The following TMEM132C variants were observed in gnomAD, a reference collection of about 807,000 sequenced individuals.
The protein encoded by TMEM132C is protein phosphatase 1, regulatory subunit 152.
In TMEM132C, 29 loss-of-function variants were observed where a neutral mutation model predicts 61.4. The ratio of observed to expected loss-of-function variants is 0.47; its 90% CI spans 0.35 to 0.64. The LOEUF is 0.64. TMEM132C is among the 30% of genes least tolerant of loss of function. The pLI is 0.00. For synonymous variants in TMEM132C, 656 were observed against 633.1 expected (o/e 1.04, Z -0.54); for missense variants, 1,408 against 1,476.9 (o/e 0.95, Z 0.76).
At chr12:128,268,532 C>T (rs991996247) in intron 1 of TMEM132C, among the ~76,000 whole-genome samples, 2 of 152,042 alleles carry the variant, frequency 1.3e-5, no homozygotes, top group African/African-American at 4.8e-5. Context: ...GCGAAGGTCT[C>T]GGGTTCATTT....
chr12:128,474,821 C>T (rs1380749648), intron 2 of TMEM132C, among the ~76,000 whole-genome samples: 2 of 152,148 alleles, frequency 1.3e-5, no homozygotes, highest in African/African-American at 4.8e-5. Context: ...ATTGGTACCA[C>T]ATAGTATGTC....
At chr12:128,528,137 C>G (rs997213434) in intron 2 of TMEM132C, among the ~76,000 whole-genome samples, 3 of 152,166 alleles carry the variant, frequency 2.0e-5, no homozygotes, top group South Asian at 4.1e-4. Context: ...AGGGCTACAT[C>G]CCCACTTCCA....
At chr12:128,507,398 C>CTTTTTTTTTTTTTT (rs1872404501) in intron 2 of TMEM132C, among the ~76,000 whole-genome samples, 4 of 106,518 alleles carry the variant, frequency 3.8e-5, no homozygotes, top group Non-Finnish European at 7.5e-5. Flanking sequence ...TTTTTTTTTT[C>CTTTTTTTTTTTTTT]TTTCTTTTTT....
intron 8 of TMEM132C, among the ~76,000 whole-genome samples, chr12:128,698,926 G>T (rs1593153152): frequency 6.6e-6 from 1 of 152,314 alleles, no homozygotes; most frequent in South Asian, 2.1e-4. Flanking sequence ...GAACACGATA[G>T]TGCTACAAAG....
intron 2 of TMEM132C, among the ~76,000 whole-genome samples, chr12:128,498,862 GA>G (rs745690111): frequency 2.0e-5 from 3 of 151,948 alleles, no homozygotes; most frequent in East Asian, 3.9e-4. Context: ...ACTGTTGAAA[GA>G]AATAAAAGAA....
At chr12:128,541,933 C>T (rs892220089) in intron 2 of TMEM132C, among the ~76,000 whole-genome samples, 10 of 152,270 alleles carry the variant, frequency 6.6e-5, no homozygotes, top group South Asian at 2.1e-4. Flanking sequence ...CCTCTGTATT[C>T]GGTGTGGCAC....
intron 2 of TMEM132C, among the ~76,000 whole-genome samples, chr12:128,510,479 A>C (rs1872531289): frequency 6.6e-6 from 1 of 152,204 alleles, no homozygotes; most frequent in Non-Finnish European, 1.5e-5. Context: ...TTTCCGGGCT[A>C]AGGCCTCTCA....
chr12:128,400,106 T>C (rs1875099551), intron 1 of TMEM132C: 1 of 152,240 alleles, frequency 6.6e-6, no homozygotes, highest in Non-Finnish European at 1.5e-5. Flanking sequence ...TAGAAGCTTT[T>C]GGCTGATAGT....
intron 3 of TMEM132C, among the ~76,000 whole-genome samples, chr12:128,563,463 G>C (rs1268251840): frequency 6.6e-6 from 1 of 152,196 alleles, no homozygotes; most frequent in Non-Finnish European, 1.5e-5. Flanking sequence ...GGCAGAAAGA[G>C]AGACTTTAAT....
chr12:128,409,677 C>T (rs1041562816), intron 1 of TMEM132C, among the ~76,000 whole-genome samples: 2 of 152,128 alleles, frequency 1.3e-5, no homozygotes, highest in African/African-American at 2.4e-5. Flanking sequence ...TCTGCGATGT[C>T]GGGTCTCAAC....
At chr12:128,571,181 A>G (rs1438833450) in intron 3 of TMEM132C, among the ~76,000 whole-genome samples, 1 of 152,154 alleles carries the variant, frequency 6.6e-6, no homozygotes, top group Non-Finnish European at 1.5e-5. Flanking sequence ...GAAACTTGGA[A>G]ACTCTCTGTG....
chr12:128,313,457 C>T (rs1554079), intron 1 of TMEM132C, among the ~76,000 whole-genome samples: 50,457 of 151,876 alleles, frequency 0.33, 8,699 homozygotes, highest in East Asian at 0.47. Context: ...CCGCAGCACT[C>T]AGAATTCTTT....
At chr12:128,473,007 G>T (rs547053027) in intron 2 of TMEM132C, among the ~76,000 whole-genome samples, 2 of 152,308 alleles carry the variant, frequency 1.3e-5, no homozygotes, top group South Asian at 2.1e-4. Context: ...TACAGGGTTG[G>T]TTCCTTCTGG....
chr12:128,359,170 A>G (rs142887525), intron 1 of TMEM132C, among the ~76,000 whole-genome samples: 118 of 152,332 alleles, frequency 7.7e-4, no homozygotes, highest in African/African-American at 2.6e-3. Flanking sequence ...GCTTTGCTGT[A>G]TGAGTGTGTT....
chr12:128,351,430 G>A (rs532873978), intron 1 of TMEM132C, among the ~76,000 whole-genome samples: 1 of 152,248 alleles, frequency 6.6e-6, no homozygotes, highest in Admixed American at 6.5e-5. Context: ...TGCATATATT[G>A]ATATATATGA....
At chr12:128,588,995 A>G (rs1248026741) in intron 3 of TMEM132C, among the ~76,000 whole-genome samples, 1 of 152,178 alleles carries the variant, frequency 6.6e-6, no homozygotes, top group Non-Finnish European at 1.5e-5. Context: ...AGGGCTGCAG[A>G]CTGGAGCTGC....
chr12:128,570,939 C>T lies in TMEM132C; in HGVS notation c.1121+26836C>T, dbSNP rs11059768. On this transcript the variant is annotated intron_variant, in intron 3 of 8. Coordinates refer to ENST00000435159, the MANE Select transcript of TMEM132C (RefSeq NM_001136103.3). This position sits in a 1 kb window ranked among gnomAD's most constrained non-coding sequence, Gnocchi z 4.7. ...GGAAGTTACTATTTTCACTTTGGCA[C>T]GTTACCACCCTGAAAAGATCAGGGC... 0.12 allele frequency among the ~76,000 whole-genome samples: 18,039 copies of T among 152,178 alleles called. 1,140 individuals are homozygous for T. Among genetic ancestry groups the T allele is most frequent in the Middle Eastern group, 0.15 (44 of 294 alleles).
chr12:128,502,514 CA>C (rs1872217427), intron 2 of TMEM132C, among the ~76,000 whole-genome samples: 1 of 152,196 alleles, frequency 6.6e-6, no homozygotes, highest in Admixed American at 6.5e-5. Flanking sequence ...CAGAGATCAT[CA>C]CCTTTTTCAC....
At position 128,707,373 on chromosome 12, in the gene TMEM132C, CAA is replaced by C; in HGVS notation, c.*1079_*1080del. On this transcript the variant is annotated 3_prime_UTR_variant, in exon 9 of 9. Coordinates refer to ENST00000435159, the MANE Select transcript of TMEM132C (RefSeq NM_001136103.3). ...CCAACCTGGTGGGCTTGGTCTATCA[CAA>C]GACATAACTGATGCTGAACATGAAC... 1 of 152,340 alleles carries C rather than the reference CAA, an allele frequency of 6.6e-6. No homozygotes were observed. Among genetic ancestry groups the C allele is most frequent in the African/African-American group, 2.4e-5 (1 of 41,580 alleles). 9.4% of individuals were successfully genotyped at this position (152,340 alleles called of 1,614,324 possible).
Sources: gnomAD v4.1 joint callset for allele counts (sites outside exome capture counted in the v4.1 genomes callset) on GRCh38, gnomAD v4.1.1 for gene constraint, Gnocchi (gnomAD v3.1) non-coding constraint, MANE v1.5 for transcripts, NCBI Gene and HGNC (gene_info 2026-07-23, HGNC 2026-07-21) for gene names.